AGAP1: variants seen among roughly 807,000 people sequenced by gnomAD.
The protein encoded by AGAP1 is arf-GAP with GTPase, ANK repeat and PH domain-containing protein 1.
A neutral mutation model predicts 105.3 loss-of-function variants in AGAP1; 29 were observed. The observed-to-expected ratio is 0.28, with a 90% CI of 0.21 to 0.38. The LOEUF (loss-of-function observed/expected upper bound fraction) is 0.38, where lower values mean the gene tolerates loss of function less well. Ranked by LOEUF, AGAP1 falls within the 10% of genes least tolerant of loss-of-function variation. AGAP1 has a pLI of 1.00. For synonymous variants in AGAP1, 509 were observed against 485.9 expected, an observed-to-expected ratio of 1.05 and a Z score of -0.63; for missense variants, 998 against 1,165.1, an observed-to-expected ratio of 0.86 and a Z score of 2.09.
intron 16 of AGAP1, among the ~76,000 whole-genome samples, chr2:236,059,552 T>C (rs1205157431): frequency 6.6e-6 from 1 of 152,178 alleles, no homozygotes; most frequent in African/African-American, 2.4e-5. Context: ...TCTCACACTT[T>C]CTGATTTCAG....
At chr2:235,952,987 G>T (rs1006875501) in intron 12 of AGAP1, among the ~76,000 whole-genome samples, 1 of 152,174 alleles carries the variant, frequency 6.6e-6, no homozygotes, top group South Asian at 2.1e-4. Flanking sequence ...CAGGTGTGGC[G>T]GAAGGACCCA....
At chr2:235,686,661 A>AT (rs1949456377) in intron 1 of AGAP1, among the ~76,000 whole-genome samples, 1 of 48,436 alleles carries the variant, frequency 2.1e-5, no homozygotes. Context: ...ATATATATAT[A>AT]TATATTTTTT....
rs1284666950 is a variant in AGAP1 at position 235,908,961 on chromosome 2, A to G, written c.1324+55A>G. 7 of 1,547,416 alleles carry G rather than the reference A, an allele frequency of 4.5e-6. No homozygotes were observed. The African/African-American group carries it at 9.5e-5, about 21-fold the overall frequency. On this transcript the variant is annotated intron_variant, in intron 11 of 17. Transcript: ENST00000304032. This position sits in a 1 kb window ranked among gnomAD's most constrained non-coding sequence, Gnocchi z 4.4. Reference sequence around the variant, plus strand: ...CAAGTTCAACAGCAACAGGTGGTCCAGGCTCGAGGATAATGTTGGACTCCT... The same window carrying G: ...CAAGTTCAACAGCAACAGGTGGTCCGGGCTCGAGGATAATGTTGGACTCCT...
At chr2:236,026,773 G>A (rs2057069047) in intron 13 of AGAP1, among the ~76,000 whole-genome samples, 1 of 152,118 alleles carries the variant, frequency 6.6e-6, no homozygotes, top group African/African-American at 2.4e-5. Flanking sequence ...ACAAACTGTT[G>A]AGGGATTTCT....
At chr2:235,821,597 A>G (rs1958792887) in intron 9 of AGAP1, among the ~76,000 whole-genome samples, 1 of 152,180 alleles carries the variant, frequency 6.6e-6, no homozygotes, top group Non-Finnish European at 1.5e-5. Flanking sequence ...AAAAAATAAT[A>G]CAAAGACTCC....
rs1952790627 is a variant in AGAP1 at position 235,744,636 on chromosome 2, C to G, written c.397-62C>G. 9 of 1,603,596 alleles carry G rather than the reference C, an allele frequency of 5.6e-6. No homozygotes were observed. ...CTGCTGCCTGCCGCCATGCAGACAT[C>G]TCTGTTCTTAATCAAGCCTGCTCAC... On this transcript the variant is annotated intron_variant, in intron 4 of 17. Coordinates refer to ENST00000304032, the MANE Select transcript of AGAP1 (RefSeq NM_001037131.3). This position sits in a 1 kb window ranked among gnomAD's most constrained non-coding sequence, Gnocchi z 5.2.
intron 11 of AGAP1, among the ~76,000 whole-genome samples, chr2:235,922,270 A>G (rs1273767781): frequency 6.6e-6 from 1 of 152,178 alleles, no homozygotes; most frequent in Non-Finnish European, 1.5e-5. Flanking sequence ...ATATTCCTGT[A>G]ATTAGGATTT....
At chr2:235,980,594 G>T (rs191994772) in intron 13 of AGAP1, among the ~76,000 whole-genome samples, 1 of 152,192 alleles carries the variant, frequency 6.6e-6, no homozygotes, top group African/African-American at 2.4e-5. Context: ...TCAGGTTCCC[G>T]GATTGATCCG....
intron 16 of AGAP1, among the ~76,000 whole-genome samples, chr2:236,075,554 T>C (rs1454785818): frequency 6.6e-6 from 1 of 152,112 alleles, no homozygotes; most frequent in Non-Finnish European, 1.5e-5. Flanking sequence ...TTTCAAAGCC[T>C]TCCAGGTAAA....
chr2:235,743,272 A>G (rs570733412), intron 4 of AGAP1, among the ~76,000 whole-genome samples: 1 of 152,210 alleles, frequency 6.6e-6, no homozygotes, highest in Non-Finnish European at 1.5e-5. Context: ...GGAAGTCAGA[A>G]TGCACCCTTA....
rs926493444 is a variant in AGAP1, at chr2:235,934,430, G to A, written c.1483+3507G>A. Among the ~76,000 whole-genome samples the A allele has an allele frequency of 5.3e-5, 8 of 152,150 alleles. No homozygotes were observed. Among genetic ancestry groups the A allele is most frequent in the Non-Finnish European group, 1.0e-4 (7 of 68,040 alleles). On this transcript the variant is annotated intron_variant, in intron 12 of 17. Coordinates refer to ENST00000304032, the MANE Select transcript of AGAP1 (RefSeq NM_001037131.3). The surrounding 1 kb of genome is among the most constrained non-coding windows in gnomAD (Gnocchi z 4.9). ...CCATCCCGGCGTCCCTCTGGTTCGC[G>A]TCATTCCCCCCTTTAGTGTGCTGCT... is the stretch of plus-strand genomic sequence containing the variant.
chr2:235,743,118 G>C (rs1952686242), intron 4 of AGAP1, among the ~76,000 whole-genome samples: 1 of 152,230 alleles, frequency 6.6e-6, no homozygotes, highest in Non-Finnish European at 1.5e-5. Context: ...AGTGAGCTGA[G>C]ATCTCACCAC....
At position 235,535,622 on chromosome 2, in the gene AGAP1, G is replaced by C. The variant is rs183795926; in HGVS notation, c.163+40773G>C. 5.8e-3 allele frequency among the ~76,000 whole-genome samples: 883 copies of C among 152,186 alleles called. 7 individuals are homozygous for C. Among genetic ancestry groups the C allele is most frequent in the African/African-American group, 0.02 (850 of 41,522 alleles). On this transcript the variant is annotated intron_variant, in intron 1 of 17. Transcript: ENST00000304032. The surrounding 1 kb of genome is among the most constrained non-coding windows in gnomAD (Gnocchi z 5.1). The stretch of plus-strand genomic sequence containing the variant: ...CTCAAAGACCCTGGGGGCCGGGCGG[G>C]GCTGTGCCAGGCACCCGCGTCGCGC...
rs2149328536 is a variant in AGAP1, at chr2:235,653,967, A to C, written c.164-55212A>C. ...GCTACTTGGGAGGCTGAGGCAGGAG[A>C]ATCACTTAAACCCGGGAGGCGGAGA... is the stretch of plus-strand genomic sequence containing the variant. On this transcript the variant is annotated intron_variant, in intron 1 of 17. Coordinates refer to ENST00000304032, the MANE Select transcript of AGAP1 (RefSeq NM_001037131.3). 2.0e-5 allele frequency among the ~76,000 whole-genome samples: 3 copies of C among 152,320 alleles called. No homozygotes were observed. The South Asian group carries it at 6.2e-4, about 32-fold the overall frequency.
chr2:235,812,792 GC>G (rs1297509670), intron 9 of AGAP1, among the ~76,000 whole-genome samples: 1 of 152,206 alleles, frequency 6.6e-6, no homozygotes, highest in Non-Finnish European at 1.5e-5. Context: ...CGTTTATTAA[GC>G]CCCACCATTG....
At chr2:236,023,068 T>C (rs1490906707) in intron 13 of AGAP1, among the ~76,000 whole-genome samples, 1 of 152,074 alleles carries the variant, frequency 6.6e-6, no homozygotes, top group African/African-American at 2.4e-5. Flanking sequence ...CCCGGGTGTG[T>C]GCGTGACATT....
rs2059580749 is a variant in AGAP1 at position 236,109,106 on chromosome 2, C to G, written c.2115-11086C>G. ...GGCATTGCAGGAAGACAGCATTTCT[C>G]TCTGAAGGTAGTTGTGTGTAGGTGT... On this transcript the variant is annotated intron_variant, in intron 16 of 17. Transcript: ENST00000304032. This position sits in a 1 kb window ranked among gnomAD's most constrained non-coding sequence, Gnocchi z 5.4. Among the ~76,000 whole-genome samples, 1 of 152,174 alleles carries G rather than the reference C, an allele frequency of 6.6e-6. No homozygotes were observed. The highest frequency in any genetic ancestry group is 1.5e-5 in the Non-Finnish European group (1 of 68,038).
chr2:235,810,269 G>A (rs1023997756), intron 9 of AGAP1, among the ~76,000 whole-genome samples: 5 of 152,108 alleles, frequency 3.3e-5, no homozygotes, highest in African/African-American at 9.7e-5. Context: ...CATCCTTACC[G>A]TGTTTGCCGC....
chr2:236,007,874 G>T (rs1054078257), intron 13 of AGAP1, among the ~76,000 whole-genome samples: 1 of 152,258 alleles, frequency 6.6e-6, no homozygotes, highest in Admixed American at 6.5e-5. Context: ...GTGAGAAGGG[G>T]CAGAAGTCAG....
Sources: gnomAD v4.1 joint callset for allele counts (sites outside exome capture counted in the v4.1 genomes callset) on GRCh38, gnomAD v4.1.1 for gene constraint, Gnocchi (gnomAD v3.1) non-coding constraint, MANE v1.5 for transcripts, NCBI Gene and HGNC (gene_info 2026-07-23, HGNC 2026-07-21) for gene names.